The following RTL4 variants were observed in gnomAD, a reference collection of about 807,000 sequenced individuals.
RTL4 encodes the protein retrotransposon Gag-like protein 4.
Under a neutral mutation model 5.3 loss-of-function variants are expected in RTL4, and 4 were observed. The observed-to-expected ratio is 0.75, with a 90% CI of 0.37 to 1.72. The LOEUF is 1.72. RTL4 is among the 40% of genes most tolerant of loss of function. The pLI, the probability that RTL4 is intolerant of heterozygous loss-of-function variation, is 0.04. For missense variants in RTL4, 260 were observed against 227.1 expected, an observed-to-expected ratio of 1.14 and a Z score of -0.93; for synonymous variants, 98 against 87.3, an observed-to-expected ratio of 1.12 and a Z score of -0.68.
the RTL4 span, among the ~76,000 whole-genome samples, chrX:112,236,321 G>GATT: frequency 6.7e-4 from 69 of 102,974 alleles, no homozygotes; most frequent in Non-Finnish European, 1.2e-3. Context: ...TAGCTCACAA[G>GATT]ATTATTATGA....
At chrX:112,326,794 T>G in the RTL4 span, among the ~76,000 whole-genome samples, 2 of 111,376 alleles carry the variant, frequency 1.8e-5, no homozygotes, top group Non-Finnish European at 3.8e-5. Flanking sequence ...TCTCCCAGCA[T>G]GCAGCTGGAG....
At chrX:112,304,244 G>A in the RTL4 span, among the ~76,000 whole-genome samples, 7 of 110,793 alleles carry the variant, frequency 6.3e-5, no homozygotes, top group Non-Finnish European at 9.4e-5. Context: ...TACTTCATAT[G>A]GAAGAGTAGC....
At chrX:112,447,145 G>A in the RTL4 span, among the ~76,000 whole-genome samples, 1 of 111,972 alleles carries the variant, frequency 8.9e-6, no homozygotes, top group African/African-American at 3.2e-5. Flanking sequence ...CAAGTAATAT[G>A]CTAAGTGGCT....
the RTL4 span, chrX:112,382,169 C>G: frequency 4.1e-6 from 5 of 1,206,414 alleles, no homozygotes; most frequent in Non-Finnish European, 4.5e-6. Context: ...TAGGATGTTC[C>G]AAAGACCACA....
the RTL4 span, among the ~76,000 whole-genome samples, chrX:112,189,392 A>T: frequency 8.9e-6 from 1 of 112,325 alleles, no homozygotes; most frequent in Non-Finnish European, 1.9e-5. Flanking sequence ...CACAGACCAC[A>T]TTACACAATA....
the RTL4 span, among the ~76,000 whole-genome samples, chrX:112,214,947 C>T: frequency 3.6e-5 from 4 of 109,903 alleles, no homozygotes; most frequent in Non-Finnish European, 5.7e-5. Context: ...CACCACCACA[C>T]CCGGCTAATT....
chrX:112,234,116 C>T, the RTL4 span, among the ~76,000 whole-genome samples: 3 of 110,615 alleles, frequency 2.7e-5, no homozygotes, highest in Non-Finnish European at 3.8e-5. Context: ...GGAGTGAACC[C>T]GGGAGGCGGA....
At chrX:112,188,297 G>C in the RTL4 span, among the ~76,000 whole-genome samples, 498 of 111,011 alleles carry the variant, frequency 4.5e-3, 3 homozygotes, top group African/African-American at 0.015. Flanking sequence ...TTCATCTCTA[G>C]TCTACTGATG....
At chrX:112,236,209 T>C in the RTL4 span, among the ~76,000 whole-genome samples, 9 of 108,582 alleles carry the variant, frequency 8.3e-5, no homozygotes, top group Non-Finnish European at 1.7e-4. Flanking sequence ...AACAGCATTC[T>C]CTCAAATGTG....
At chrX:112,110,657 C>T in the RTL4 span, among the ~76,000 whole-genome samples, 16 of 112,249 alleles carry the variant, frequency 1.4e-4, no homozygotes, top group Admixed American at 7.5e-4. Context: ...TCCATATTAA[C>T]TTAGAATTGG....
chrX:112,337,703 G>T, the RTL4 span, among the ~76,000 whole-genome samples: 1 of 111,813 alleles, frequency 8.9e-6, no homozygotes, highest in East Asian at 2.8e-4. Flanking sequence ...CTCTAAGAAT[G>T]TATTCAGTTT....
At chrX:112,220,418 C>A in the RTL4 span, among the ~76,000 whole-genome samples, 9 of 112,605 alleles carry the variant, frequency 8.0e-5, no homozygotes, top group Non-Finnish European at 1.5e-4. Context: ...CTGGGCCCAG[C>A]CCATGAAACC....
the RTL4 span, among the ~76,000 whole-genome samples, chrX:112,180,981 G>A: frequency 2.7e-5 from 3 of 111,541 alleles, no homozygotes; most frequent in East Asian, 5.6e-4. Flanking sequence ...TGAGGTACCC[G>A]GCTCATCTCA....
At chrX:112,223,722 G>A in the RTL4 span, among the ~76,000 whole-genome samples, 1 of 111,840 alleles carries the variant, frequency 8.9e-6, no homozygotes, top group Non-Finnish European at 1.9e-5. Flanking sequence ...CTGGACAGCT[G>A]ACCCTGTCCC....
chrX:112,169,013 T>C, the RTL4 span, among the ~76,000 whole-genome samples: 1 of 95,403 alleles, frequency 1.0e-5, no homozygotes, highest in Non-Finnish European at 2.1e-5. Flanking sequence ...CCTTTCTTTC[T>C]TTCTTTCTCT....
chrX:112,330,825 C>A, the RTL4 span, among the ~76,000 whole-genome samples: 5 of 111,114 alleles, frequency 4.5e-5, no homozygotes, highest in African/African-American at 1.6e-4. Flanking sequence ...ATCAATGGAA[C>A]AGAACAGAGC....
At chrX:112,424,261 T>C in the RTL4 span, among the ~76,000 whole-genome samples, 3 of 111,869 alleles carry the variant, frequency 2.7e-5, no homozygotes, top group Non-Finnish European at 3.8e-5. Flanking sequence ...AGGCAGCAAA[T>C]GCACAGATGT....
the RTL4 span, among the ~76,000 whole-genome samples, chrX:112,269,467 A>G: frequency 9.0e-6 from 1 of 111,686 alleles, no homozygotes; most frequent in South Asian, 3.7e-4. Context: ...TCAGGGTAAA[A>G]AAAAGAGGAG....
the RTL4 span, among the ~76,000 whole-genome samples, chrX:112,328,584 C>T: frequency 1.8e-5 from 2 of 111,631 alleles, no homozygotes; most frequent in Non-Finnish European, 3.8e-5. Context: ...CCACTGTCAA[C>T]ATTAGACAGA....
Sources: gnomAD v4.1 joint callset for allele counts (sites outside exome capture counted in the v4.1 genomes callset) on GRCh38, gnomAD v4.1.1 for gene constraint, MANE v1.5 for transcripts, NCBI Gene and HGNC (gene_info 2026-07-23, HGNC 2026-07-21) for gene names.